LHFPL4: variants seen among roughly 807,000 people sequenced by gnomAD.
LHFPL4 encodes LHFPL tetraspan subfamily member 4 protein.
A neutral mutation model predicts 20.0 loss-of-function variants in LHFPL4; 6 were observed. The ratio of observed to expected loss-of-function variants is 0.30; its 90% confidence interval spans 0.16 to 0.59. LHFPL4 has a LOEUF of 0.59. LHFPL4 is among the 20% of genes least tolerant of loss of function. The pLI, the probability that LHFPL4 is intolerant of heterozygous loss-of-function variation, is 0.88. For missense variants in LHFPL4, 215 were observed against 331.2 expected (o/e 0.65, Z 2.72); for synonymous variants, 129 against 143.8 (o/e 0.90, Z 0.74).
Position 9,498,794 on chromosome 3 carries a change from C to G in LHFPL4, c.*3417G>C, listed in dbSNP as rs1485302939. On this transcript the variant is annotated 3_prime_UTR_variant, in exon 4 of 4. Coordinates refer to ENST00000287585, the MANE Select transcript of LHFPL4 (RefSeq NM_198560.3). ...AGCAGGATGCTCAAAAGGCCAGGGACTCTCCCCACAGCCTTATCTAAAAGT... is the reference window on the plus strand; with the variant it reads ...AGCAGGATGCTCAAAAGGCCAGGGAGTCTCCCCACAGCCTTATCTAAAAGT... 6.5e-6 allele frequency: 1 copy of G among 152,702 alleles called. No individual in the cohort carries two copies. The allele number at this position is 152,702 out of a possible 1,614,324, so 9.5% of individuals were successfully genotyped here.
intron 2 of LHFPL4, among the ~76,000 whole-genome samples, chr3:9,514,727 T>C (rs1574840815): frequency 6.6e-6 from 1 of 152,372 alleles, no homozygotes; most frequent in East Asian, 1.9e-4. Context: ...ACTTTTGCCT[T>C]TTCCAGAATG....
rs924071115 is a variant in LHFPL4, at chr3:9,501,812, G to A, written c.*399C>T. On this transcript the variant is annotated 3_prime_UTR_variant, in exon 4 of 4. Coordinates refer to ENST00000287585, the MANE Select transcript of LHFPL4 (RefSeq NM_198560.3). ...TAGAATAAATTTCTTGAAGAGGCAGGGACCAGAAGAGGTGCGGATACAGCC... is the reference window on the plus strand; with the variant it reads ...TAGAATAAATTTCTTGAAGAGGCAGAGACCAGAAGAGGTGCGGATACAGCC... 1 of 180,664 alleles carries A rather than the reference G, an allele frequency of 5.5e-6. No homozygotes were observed. Among genetic ancestry groups the A allele is most frequent in the African/African-American group, 2.4e-5 (1 of 42,530 alleles). The allele number at this position is 180,664 out of a possible 1,614,324, so 11.2% of individuals were successfully genotyped here.
intron 2 of LHFPL4, among the ~76,000 whole-genome samples, chr3:9,514,652 C>T (rs2046285754): frequency 6.6e-6 from 1 of 152,192 alleles, no homozygotes; most frequent in Non-Finnish European, 1.5e-5. Flanking sequence ...CCTCTGTGCT[C>T]TGCCTATTCA....
chr3:9,532,150 C>T (rs1205497373), intron 2 of LHFPL4, among the ~76,000 whole-genome samples: 4 of 151,778 alleles, frequency 2.6e-5, no homozygotes, highest in Non-Finnish European at 4.4e-5. Flanking sequence ...CACAGCCTCC[C>T]GAGTAGCTGG....
chr3:9,507,208 G>T (rs2046224862), intron 2 of LHFPL4, among the ~76,000 whole-genome samples: 1 of 152,172 alleles, frequency 6.6e-6, no homozygotes, highest in Admixed American at 6.5e-5. Context: ...ATTTATCCAG[G>T]GCCTACCATA....
intron 2 of LHFPL4, among the ~76,000 whole-genome samples, chr3:9,528,790 T>C (rs1050566981): frequency 2.0e-5 from 3 of 151,460 alleles, no homozygotes; most frequent in African/African-American, 7.3e-5. Context: ...AATTTTTGTA[T>C]TTTTAGTAGA....
chr3:9,515,149 G>A (rs1232082890), intron 2 of LHFPL4, among the ~76,000 whole-genome samples: 4 of 152,124 alleles, frequency 2.6e-5, no homozygotes, highest in East Asian at 1.9e-4. Flanking sequence ...GTTGCTCCAC[G>A]TCCTACCAGC....
chr3:9,539,747 G>C (rs988918098), intron 2 of LHFPL4, among the ~76,000 whole-genome samples: 1 of 152,008 alleles, frequency 6.6e-6, no homozygotes, highest in Non-Finnish European at 1.5e-5. Flanking sequence ...AGTAGATAAA[G>C]AGCTCTTACA....
intron 2 of LHFPL4, among the ~76,000 whole-genome samples, chr3:9,542,540 C>T (rs181036887): frequency 2.4e-4 from 37 of 152,212 alleles, no homozygotes; most frequent in African/African-American, 7.5e-4. Context: ...GACATGGTGG[C>T]TCACACCTGT....
At chr3:9,536,918 C>CA (rs34655189) in intron 2 of LHFPL4, among the ~76,000 whole-genome samples, 1,856 of 98,932 alleles carry the variant, frequency 0.019, 10 homozygotes, top group Non-Finnish European at 0.022. Context: ...GACTCTGTCT[C>CA]AAAAAAAAAA....
At chr3:9,526,239 G>T (rs567544817) in intron 2 of LHFPL4, among the ~76,000 whole-genome samples, 2 of 152,148 alleles carry the variant, frequency 1.3e-5, no homozygotes, top group Admixed American at 1.3e-4. Flanking sequence ...GGAGGAATGC[G>T]GAGTTAGTGT....
At chr3:9,545,531 C>T (rs1296100056) in intron 2 of LHFPL4, among the ~76,000 whole-genome samples, 1 of 151,962 alleles carries the variant, frequency 6.6e-6, no homozygotes, top group Non-Finnish European at 1.5e-5. Context: ...GAATAAAGGC[C>T]AAGGTGAGCA....
At chr3:9,545,034 C>T (rs1020539661) in intron 2 of LHFPL4, among the ~76,000 whole-genome samples, 1 of 151,958 alleles carries the variant, frequency 6.6e-6, no homozygotes, top group Non-Finnish European at 1.5e-5. Context: ...CTCAGGATTT[C>T]TAGAGGCTAG....
In LHFPL4 at chr3:9,543,729, G is replaced by GTTTTTTTTT. The variant is rs58872967; in HGVS notation, c.406+8536_406+8544dup. 1.4e-4 allele frequency among the ~76,000 whole-genome samples: 17 copies of GTTTTTTTTT among 119,658 alleles called. 1 individual carries two copies. Among genetic ancestry groups the GTTTTTTTTT allele is most frequent in the Admixed American group, 7.7e-4 (8 of 10,388 alleles). 78.5% of individuals were successfully genotyped at this position (119,658 alleles called of 152,430 possible). A position where few individuals can be genotyped will look rare whatever the true frequency, so the allele number is the denominator to read the frequency against. On this transcript the variant is annotated intron_variant, in intron 2 of 3. Coordinates refer to ENST00000287585, the MANE Select transcript of LHFPL4 (RefSeq NM_198560.3). ...GGTGATTTGTTTGTTTTTGGTTTTGGTTTTTTTTTTTTTTTTTTTGAGTCA... is the reference window on the plus strand; with the variant it reads ...GGTGATTTGTTTGTTTTTGGTTTTGGTTTTTTTTTTTTTTTTTTTTTTTTTTTTGAGTCA...
chr3:9,547,518 G>A (rs576152991), intron 2 of LHFPL4, among the ~76,000 whole-genome samples: 33 of 152,354 alleles, frequency 2.2e-4, no homozygotes, highest in African/African-American at 7.0e-4. Context: ...TTAGACTTGC[G>A]TTGAGTTTTA....
chr3:9,521,232 C>CTT (rs34985785), intron 2 of LHFPL4, among the ~76,000 whole-genome samples: 2,669 of 139,368 alleles, frequency 0.019, 94 homozygotes, highest in African/African-American at 0.057. Context: ...TCTTCTTCTT[C>CTT]TTTTTTTTTT....
At chr3:9,541,776 A>T (rs185632682) in intron 2 of LHFPL4, among the ~76,000 whole-genome samples, 19 of 150,176 alleles carry the variant, frequency 1.3e-4, no homozygotes, top group Admixed American at 2.0e-4. Context: ...CGCCTCAAAG[A>T]AAAAAAAAAT....
intron 2 of LHFPL4, among the ~76,000 whole-genome samples, chr3:9,534,957 G>A (rs1470637134): frequency 2.0e-5 from 3 of 151,948 alleles, no homozygotes; most frequent in Non-Finnish European, 2.9e-5. Context: ...AGGGGAAGAC[G>A]AAAAAGATGA....
intron 2 of LHFPL4, among the ~76,000 whole-genome samples, chr3:9,523,090 A>AAG (rs1399551116): frequency 5.6e-5 from 8 of 143,090 alleles, no homozygotes; most frequent in African/African-American, 1.6e-4. Flanking sequence ...GAAAGAAAGA[A>AAG]AGAGAGAGAG....
Sources: allele counts gnomAD v4.1 joint callset (sites outside exome capture counted in the v4.1 genomes callset), GRCh38; gene constraint gnomAD v4.1.1; transcripts MANE v1.5; gene names NCBI Gene and HGNC (gene_info 2026-07-23, HGNC 2026-07-21).